Variants in FSIP1 observed in about 807,000 individuals in gnomAD.
FSIP1 encodes the protein fibrous sheath interacting protein 1.
FSIP1 carries 65 observed loss-of-function variants against 60.9 expected under a neutral mutation model. That is an observed-to-expected ratio of 1.07 (90% CI 0.87 to 1.31). FSIP1 has a LOEUF of 1.31. Among genes scored for constraint, FSIP1 ranks in the 40% most tolerant of loss-of-function variants. The pLI is 0.00. For synonymous variants in FSIP1, 209 were observed against 221.2 expected (o/e 0.94, Z 0.49); for missense variants, 675 against 665.5 (o/e 1.01, Z -0.16).
chr15:39,681,024 G>T (rs534306418), intron 10 of FSIP1, among the ~76,000 whole-genome samples: 23 of 152,212 alleles, frequency 1.5e-4, no homozygotes, highest in African/African-American at 5.5e-4. Flanking sequence ...AATTCCATTT[G>T]CCTGGGATGG....
At chr15:39,687,291 A>G (rs1015779355) in intron 10 of FSIP1, among the ~76,000 whole-genome samples, 2 of 151,404 alleles carry the variant, frequency 1.3e-5, no homozygotes, top group Admixed American at 1.3e-4. Flanking sequence ...AGTAGCTAAG[A>G]TTACAGGCAT....
At chr15:39,685,947 A>T (rs77825797) in intron 10 of FSIP1, among the ~76,000 whole-genome samples, 5,211 of 152,280 alleles carry the variant, frequency 0.034, 304 homozygotes, top group African/African-American at 0.12. Context: ...CTATAATTTT[A>T]ACATTTAACC....
At chr15:39,713,294 C>T (rs1383680399) in intron 10 of FSIP1, 150 bp downstream of exon 10, 31 of 540,044 alleles carry the variant, frequency 5.7e-5, no homozygotes, top group South Asian at 3.6e-4. Flanking sequence ...TGGACGGGTG[C>T]GGTGGCCCAC....
intron 10 of FSIP1, among the ~76,000 whole-genome samples, chr15:39,629,122 G>C (rs1891770157): frequency 1.3e-5 from 2 of 152,054 alleles, no homozygotes. Flanking sequence ...TTGGATACCA[G>C]GAATGGAGCT....
At position 39,617,753 on chromosome 15, in the gene FSIP1, G is replaced by A. The variant is rs766264299; in HGVS notation, c.1681C>T (p.Pro561Ser). The A allele has an allele frequency of 1.2e-6, 2 of 1,613,288 alleles. No individual in the cohort carries two copies. Among genetic ancestry groups the A allele is most frequent in the Non-Finnish European group, 1.7e-6 (2 of 1,179,588 alleles). ...GCCTCACCTGCTATTGTATTCTCTG[G>A]AGAACTGAGTTTCAGATGTTGGTCT... is the stretch of plus-strand genomic sequence containing the variant. Reference protein sequence around the residue: ...SEDQHLKLSSPENTIADEQET... With the variant: ...SEDQHLKLSSSENTIADEQET... The change falls in exon 11 of 12, where the codon CCA (proline) becomes TCA (serine). Residue 561 changes from proline to serine, a missense_variant. By Grantham distance (74) the Pro-to-Ser change is moderately conservative. Transcript: ENST00000350221.
At chr15:39,702,903 T>C in intron 10 of FSIP1, among the ~76,000 whole-genome samples, 1 of 151,856 alleles carries the variant, frequency 6.6e-6, no homozygotes, top group Non-Finnish European at 1.5e-5. Context: ...GTATTACCTA[T>C]TTCTAGAGCC....
At chr15:39,639,587 G>C (rs1190826598) in intron 10 of FSIP1, among the ~76,000 whole-genome samples, 1 of 152,126 alleles carries the variant, frequency 6.6e-6, no homozygotes, top group African/African-American at 2.4e-5. Context: ...ATATGCTAGG[G>C]TTTCTCATGA....
intron 10 of FSIP1, among the ~76,000 whole-genome samples, chr15:39,653,838 A>G (rs545826017): frequency 5.9e-5 from 9 of 152,342 alleles, no homozygotes; most frequent in South Asian, 2.1e-4. Context: ...TGTAAGTCCA[A>G]TTAAACCTCT....
At chr15:39,630,211 C>T (rs535105474) in intron 10 of FSIP1, among the ~76,000 whole-genome samples, 2 of 152,330 alleles carry the variant, frequency 1.3e-5, no homozygotes, top group South Asian at 2.1e-4. Flanking sequence ...AACGTGAAAT[C>T]ATGCTACTGC....
At chr15:39,688,625 G>T (rs755601055) in intron 10 of FSIP1, among the ~76,000 whole-genome samples, 5 of 152,096 alleles carry the variant, frequency 3.3e-5, no homozygotes, top group Non-Finnish European at 5.9e-5. Context: ...TTTAAAACTG[G>T]GTAGCAAAGG....
chr15:39,637,210 C>T (rs945379605), intron 10 of FSIP1, among the ~76,000 whole-genome samples: 4 of 152,196 alleles, frequency 2.6e-5, no homozygotes, highest in Admixed American at 6.5e-5. Context: ...TTCTATTTCC[C>T]GGAACCATTC....
At chr15:39,770,850 A>C (rs1194240497) in intron 2 of FSIP1, among the ~76,000 whole-genome samples, 1 of 152,228 alleles carries the variant, frequency 6.6e-6, no homozygotes, top group Non-Finnish European at 1.5e-5. Context: ...AGAAGAGTCT[A>C]CATCAGTCCT....
intron 9 of FSIP1, among the ~76,000 whole-genome samples, chr15:39,724,577 C>T (rs1896117489): frequency 6.6e-6 from 1 of 152,082 alleles, no homozygotes; most frequent in East Asian, 1.9e-4. Flanking sequence ...TATTTGAAGT[C>T]CTAATAGCCA....
chr15:39,637,768 G>A (rs2140414019), intron 10 of FSIP1, among the ~76,000 whole-genome samples: 1 of 151,984 alleles, frequency 6.6e-6, no homozygotes, highest in Non-Finnish European at 1.5e-5. Flanking sequence ...CCAAACAAGG[G>A]AAGAGAAATC....
chr15:39,776,672 C>T, intron 1 of FSIP1, 141 bp from the exon 2 acceptor site: 1 of 707,312 alleles, frequency 1.4e-6, no homozygotes, highest in Non-Finnish European at 2.3e-6. Flanking sequence ...GGTTCCCCAG[C>T]TTCACCAAAA....
intron 1 of FSIP1, among the ~76,000 whole-genome samples, chr15:39,777,324 A>G (rs975865097): frequency 6.6e-6 from 1 of 151,982 alleles, no homozygotes; most frequent in African/African-American, 2.4e-5. Context: ...TGGAGTACCT[A>G]TCTCCAGGCA....
intron 10 of FSIP1, among the ~76,000 whole-genome samples, chr15:39,664,848 CA>C (rs1893434831): frequency 6.6e-6 from 1 of 152,138 alleles, no homozygotes; most frequent in African/African-American, 2.4e-5. Flanking sequence ...GAAGAAAGTG[CA>C]GGGATGCCTG....
At chr15:39,697,437 T>C (rs570565225) in intron 10 of FSIP1, among the ~76,000 whole-genome samples, 2 of 152,338 alleles carry the variant, frequency 1.3e-5, no homozygotes, top group Admixed American at 1.3e-4. Flanking sequence ...GAATACTTAA[T>C]GTATGGAATG....
At chr15:39,603,371 G>C (rs763287582) in intron 11 of FSIP1, among the ~76,000 whole-genome samples, 2 of 152,162 alleles carry the variant, frequency 1.3e-5, no homozygotes, top group African/African-American at 4.8e-5. Flanking sequence ...ATTCATCTGG[G>C]ATGGAACCAA....
Sources: allele counts gnomAD v4.1 joint callset (sites outside exome capture counted in the v4.1 genomes callset), GRCh38; gene constraint gnomAD v4.1.1; transcripts MANE v1.5; gene names NCBI Gene and HGNC (gene_info 2026-07-23, HGNC 2026-07-21).